MAML2: variants seen among roughly 807,000 people sequenced by gnomAD.
The protein encoded by MAML2 is mastermind like transcriptional coactivator 2.
A neutral mutation model predicts 96.1 loss-of-function variants in MAML2; 22 were observed. The ratio of observed to expected loss-of-function variants is 0.23; its 90% CI spans 0.16 to 0.33. The LOEUF (loss-of-function observed/expected upper bound fraction) is 0.33, where lower values mean the gene tolerates loss of function less well. Ranked by LOEUF, MAML2 falls within the 10% of genes least tolerant of loss-of-function variation. MAML2 has a pLI of 1.00. For synonymous variants in MAML2, 561 were observed against 521.3 expected (o/e 1.08, Z -1.04); for missense variants, 1,367 against 1,392.4 (o/e 0.98, Z 0.29).
At position 96,093,215 on chromosome 11, in the gene MAML2, A is replaced by C. The variant is rs1281819450; in HGVS notation, c.816T>G (p.Thr272=). Residue 272 remains threonine (T), a synonymous_variant, in exon 2 of 5, where the codon ACT becomes ACG. Coordinates refer to ENST00000524717, the MANE Select transcript of MAML2 (RefSeq NM_032427.4). ...LKEVKKEPGE[T]LSCSKHMDGQ... ...CATCCATGTGCTTACTGCAAGACAG[A>C]GTCTCTCCTGGCTCCTTCTTTACCT... 1 of 1,614,032 alleles carries C rather than the reference A, an allele frequency of 6.2e-7. No individual in the cohort carries two copies. Among genetic ancestry groups the C allele is most frequent in the Non-Finnish European group, 8.5e-7 (1 of 1,179,896 alleles).
intron 1 of MAML2, among the ~76,000 whole-genome samples, chr11:96,117,286 G>A (rs1211280839): frequency 7.5e-6 from 1 of 133,008 alleles, no homozygotes; most frequent in African/African-American, 2.7e-5. Context: ...ATGCTGCAAA[G>A]CTCTTTTTTT....
rs56860340 is a variant in MAML2, at chr11:96,155,509, AATATATATATATATATATATATATATAT to A, written c.514-62020_514-61993del. Among the ~76,000 whole-genome samples, 78 of 74,862 alleles carry A rather than the reference AATATATATATATATATATATATATATAT, an allele frequency of 1.0e-3. 4 individuals carry two copies. In the South Asian group the frequency reaches 0.013, roughly 13 times the overall value. The allele number at this position is 74,862 out of a possible 152,430, so 49.1% of individuals were successfully genotyped here. A position where few individuals can be genotyped will look rare whatever the true frequency, so the allele number is the denominator to read the frequency against. On this transcript the variant is annotated intron_variant, in intron 1 of 4. Coordinates refer to ENST00000524717, the MANE Select transcript of MAML2 (RefSeq NM_032427.4). ...ACCTCATGGGCGCTGTAACAATTCA[AATATATATATATATATATATATATATAT>A]ATATATATATATATGAGGAAAGTCT...
intron 1 of MAML2, among the ~76,000 whole-genome samples, chr11:96,109,015 T>A (rs1216542237): frequency 7.8e-6 from 1 of 128,214 alleles, no homozygotes; most frequent in Non-Finnish European, 1.8e-5. Context: ...ACAGTTTGAG[T>A]GTTTCAAAAA....
rs12419480 is a variant in MAML2, at chr11:95,978,168, G to C, written c.*780C>G. The C allele has an allele frequency of 3.1e-3, 650 of 212,378 alleles. 16 individuals are homozygous for C. The Admixed American group carries it at 0.034, about 11-fold the overall frequency. 13.2% of individuals were successfully genotyped at this position (212,378 alleles called of 1,614,324 possible). Reference sequence around the variant, plus strand: ...TTAAAAAAGTGAAATCTAATGCAGAGAGGTGTGCACCAATATTTCAGTATG... The same window carrying C: ...TTAAAAAAGTGAAATCTAATGCAGACAGGTGTGCACCAATATTTCAGTATG... On this transcript the variant is annotated 3_prime_UTR_variant, in exon 5 of 5. Transcript: ENST00000524717.
intron 2 of MAML2, among the ~76,000 whole-genome samples, chr11:96,006,530 T>C (rs1415552605): frequency 6.6e-6 from 1 of 151,708 alleles, no homozygotes. Flanking sequence ...ATTAATTCTA[T>C]TGGGAAATAA....
At chr11:96,260,019 G>C (rs952315130) in intron 1 of MAML2, among the ~76,000 whole-genome samples, 2 of 151,682 alleles carry the variant, frequency 1.3e-5, no homozygotes, top group Admixed American at 1.3e-4. Flanking sequence ...GGGAGGAAAG[G>C]TTCCTGGACA....
intron 2 of MAML2, among the ~76,000 whole-genome samples, chr11:96,013,051 A>G (rs1380995816): frequency 1.3e-5 from 2 of 152,146 alleles, no homozygotes; most frequent in Non-Finnish European, 2.9e-5. Flanking sequence ...CTCTTTCAAC[A>G]TGTACATTTC....
chr11:96,329,746 A>G (rs1432944244), intron 1 of MAML2, among the ~76,000 whole-genome samples: 2 of 152,320 alleles, frequency 1.3e-5, no homozygotes, highest in Non-Finnish European at 2.9e-5. Flanking sequence ...TAGGTATAAT[A>G]CAGTATGACT....
intron 1 of MAML2, among the ~76,000 whole-genome samples, chr11:96,298,744 A>ATG (rs1012359104): frequency 1.1e-4 from 16 of 147,290 alleles, no homozygotes; most frequent in African/African-American, 3.7e-4. Context: ...TATTATATAT[A>ATG]TATATATAAA....
At chr11:96,022,146 C>T (rs1858445571) in intron 2 of MAML2, among the ~76,000 whole-genome samples, 1 of 152,192 alleles carries the variant, frequency 6.6e-6, no homozygotes, top group African/African-American at 2.4e-5. Context: ...CCATGTGATC[C>T]ATTCACAGGT....
chr11:96,203,047 A>C (rs1318252425), intron 1 of MAML2, among the ~76,000 whole-genome samples: 13 of 152,248 alleles, frequency 8.5e-5, no homozygotes, highest in Admixed American at 8.5e-4. Flanking sequence ...TGCCTTTTAA[A>C]ATCATTTATG....
chr11:96,322,361 GAA>G (rs1387895106), intron 1 of MAML2, among the ~76,000 whole-genome samples: 1 of 152,160 alleles, frequency 6.6e-6, no homozygotes, highest in Non-Finnish European at 1.5e-5. Flanking sequence ...AAAAGAGAAT[GAA>G]AAGAGTTCAG....
chr11:95,981,038 G>A (rs1857728664), intron 4 of MAML2, among the ~76,000 whole-genome samples: 1 of 152,226 alleles, frequency 6.6e-6, no homozygotes. Context: ...GCAGTGAGGA[G>A]CCTGGCCTCT....
intron 4 of MAML2, among the ~76,000 whole-genome samples, chr11:95,985,075 C>A (rs188040975): frequency 1.5e-4 from 23 of 152,296 alleles, no homozygotes; most frequent in African/African-American, 5.5e-4. Flanking sequence ...AAAACTAAAT[C>A]TGCTTTTCAA....
intron 1 of MAML2, among the ~76,000 whole-genome samples, chr11:96,123,559 A>AG (rs1358965977): frequency 6.6e-6 from 1 of 152,222 alleles, no homozygotes; most frequent in Non-Finnish European, 1.5e-5. Flanking sequence ...TCCTGTACAG[A>AG]GAAGTCTGAA....
chr11:96,147,367 C>T (rs1946084530), intron 1 of MAML2, among the ~76,000 whole-genome samples: 1 of 152,198 alleles, frequency 6.6e-6, no homozygotes, highest in Admixed American at 6.5e-5. Context: ...TATTTTTATA[C>T]TTCCTGCACT....
chr11:96,295,452 C>G (rs566678309), intron 1 of MAML2, among the ~76,000 whole-genome samples: 1 of 152,124 alleles, frequency 6.6e-6, no homozygotes, highest in Non-Finnish European at 1.5e-5. Flanking sequence ...AGTTGACGCA[C>G]GCTAAGGTAC....
chr11:96,312,834 T>C (rs474137), intron 1 of MAML2, among the ~76,000 whole-genome samples: 39,861 of 152,136 alleles, frequency 0.26, 5,488 homozygotes, highest in Non-Finnish European at 0.31. Flanking sequence ...TATCAGGAAC[T>C]AATTTCAGTT....
rs191369839 is a variant in MAML2 at position 96,174,511 on chromosome 11, G to A, written c.514-80994C>T. The stretch of plus-strand genomic sequence containing the variant: ...CAATTCTCCTGCCTCAGCCTCCTGA[G>A]TAGCTTGGATTACAGGCACCCGCCG... On this transcript the variant is annotated intron_variant, in intron 1 of 4. Coordinates refer to ENST00000524717, the MANE Select transcript of MAML2 (RefSeq NM_032427.4). Among the ~76,000 whole-genome samples the A allele has an allele frequency of 4.6e-3, 704 of 152,314 alleles. 2 individuals carry two copies. Among genetic ancestry groups the A allele is most frequent in the African/African-American group, 0.016 (670 of 41,570 alleles).
Sources: allele counts gnomAD v4.1 joint callset (sites outside exome capture counted in the v4.1 genomes callset), GRCh38; gene constraint gnomAD v4.1.1; transcripts MANE v1.5; gene names NCBI Gene and HGNC (gene_info 2026-07-23, HGNC 2026-07-21).